The following PRTFDC1 variants were observed in gnomAD, a reference collection of about 807,000 sequenced individuals.
PRTFDC1 encodes phosphoribosyl transferase domain containing 1.
Under a neutral mutation model 34.6 loss-of-function variants are expected in PRTFDC1, and 38 were observed. The ratio of observed to expected loss-of-function variants is 1.10; its 90% CI spans 0.85 to 1.44. The LOEUF is 1.44. PRTFDC1 is among the 40% of genes most tolerant of loss of function. PRTFDC1 has a pLI of 0.00. For synonymous variants in PRTFDC1, 93 were observed against 98.1 expected, an observed-to-expected ratio of 0.95 and a Z score of 0.31; for missense variants, 270 against 283.0, an observed-to-expected ratio of 0.95 and a Z score of 0.33.
At chr10:24,921,579 T>A (rs1035337402) in intron 3 of PRTFDC1, among the ~76,000 whole-genome samples, 1 of 152,098 alleles carries the variant, frequency 6.6e-6, no homozygotes, top group African/African-American at 2.4e-5. Context: ...TGCCTAGTCA[T>A]TCCTCTCTGT....
intron 3 of PRTFDC1, among the ~76,000 whole-genome samples, chr10:24,920,549 G>C (rs1053258271): frequency 5.3e-5 from 8 of 150,292 alleles, no homozygotes; most frequent in Admixed American, 6.6e-5. Flanking sequence ...AAGATGCGGC[G>C]ACAGCATCAG....
chr10:24,900,828 G>A (rs1290994079), intron 3 of PRTFDC1, among the ~76,000 whole-genome samples: 5 of 152,070 alleles, frequency 3.3e-5, no homozygotes, highest in Non-Finnish European at 5.9e-5. Flanking sequence ...GACTTGGGCC[G>A]AACATTTTAT....
intron 3 of PRTFDC1, among the ~76,000 whole-genome samples, chr10:24,880,813 C>CTCTCTCTT (rs1555046617): frequency 4.3e-4 from 49 of 115,016 alleles, no homozygotes; most frequent in African/African-American, 1.4e-3. Flanking sequence ...TACTGTCTTT[C>CTCTCTCTT]TCTTTCTTTC....
intron 4 of PRTFDC1, among the ~76,000 whole-genome samples, chr10:24,865,094 T>G (rs2132502660): frequency 6.6e-6 from 1 of 152,162 alleles, no homozygotes; most frequent in Non-Finnish European, 1.5e-5. Flanking sequence ...CCAGCCTGGG[T>G]GACAGAGTGA....
chr10:24,875,766 T>A (rs763572594), intron 3 of PRTFDC1, among the ~76,000 whole-genome samples: 1 of 152,006 alleles, frequency 6.6e-6, no homozygotes, highest in Non-Finnish European at 1.5e-5. Flanking sequence ...TACTTCAACA[T>A]TAATTAATCT....
chr10:24,936,938 G>A (rs1588623147), intron 3 of PRTFDC1, among the ~76,000 whole-genome samples: 2 of 152,278 alleles, frequency 1.3e-5, no homozygotes, highest in South Asian at 2.1e-4. Context: ...ATAAAAGAAA[G>A]CACAAATCAT....
intron 3 of PRTFDC1, among the ~76,000 whole-genome samples, chr10:24,902,539 C>G (rs946472063): frequency 5.3e-5 from 8 of 152,204 alleles, no homozygotes; most frequent in Admixed American, 4.6e-4. Flanking sequence ...AGAACCAAGA[C>G]TAGAATCTCC....
chr10:24,931,044 A>G (rs1848964068), intron 3 of PRTFDC1, among the ~76,000 whole-genome samples: 1 of 152,190 alleles, frequency 6.6e-6, no homozygotes, highest in East Asian at 1.9e-4. Context: ...AAGAATTGGA[A>G]TCATACAAAA....
chr10:24,905,817 T>A (rs750306835), intron 3 of PRTFDC1, among the ~76,000 whole-genome samples: 5 of 152,206 alleles, frequency 3.3e-5, no homozygotes, highest in African/African-American at 4.8e-5. Context: ...TATTGATTAC[T>A]TATTTAATAA....
intron 3 of PRTFDC1, among the ~76,000 whole-genome samples, chr10:24,910,333 T>G (rs1476721202): frequency 1.3e-5 from 2 of 152,194 alleles, no homozygotes; most frequent in East Asian, 1.9e-4. Flanking sequence ...AACCTAAGAT[T>G]GAATTCTCGT....
chr10:24,915,815 G>A (rs1257655459), intron 3 of PRTFDC1, among the ~76,000 whole-genome samples: 8 of 152,134 alleles, frequency 5.3e-5, no homozygotes, highest in African/African-American at 1.9e-4. Context: ...GGAAGCTCCA[G>A]GTATCAGTCC....
At position 24,912,655 on chromosome 10, in the gene PRTFDC1, C is replaced by T. The variant is rs114070115; in HGVS notation, c.339+24529G>A. Among the ~76,000 whole-genome samples the T allele has an allele frequency of 3.2e-4, 49 of 152,156 alleles. 1 individual carries two copies. The South Asian group carries it at 9.6e-3, about 30-fold the overall frequency. On this transcript the variant is annotated intron_variant, in intron 3 of 8. Coordinates refer to ENST00000320152, the MANE Select transcript of PRTFDC1 (RefSeq NM_020200.7). ...GGATATAAGATCTTTATCAGACATACGTTTTGCAAATATTTTCTCCCAATC... is the reference window on the plus strand; with the variant it reads ...GGATATAAGATCTTTATCAGACATATGTTTTGCAAATATTTTCTCCCAATC...
intron 1 of PRTFDC1, among the ~76,000 whole-genome samples, chr10:24,944,497 A>C (rs572998482): frequency 1.3e-5 from 2 of 152,274 alleles, no homozygotes; most frequent in South Asian, 4.1e-4. Context: ...AAAAATGCAC[A>C]TCACAGCCAG....
rs964613653 is a variant in PRTFDC1, at chr10:24,926,218, G to A, written c.339+10966C>T. On this transcript the variant is annotated intron_variant, in intron 3 of 8. Transcript: ENST00000320152. ...GCTCTTACCTGTGAAACTTTATAAG[G>A]ATCTTGCAAGGGCTTAATAAGCTAA... Among the ~76,000 whole-genome samples the A allele has an allele frequency of 1.2e-4, 19 of 152,258 alleles. No individual in the cohort carries two copies. The East Asian group carries it at 1.9e-3, about 15-fold the overall frequency.
chr10:24,870,569 C>T (rs1261852510), intron 4 of PRTFDC1, among the ~76,000 whole-genome samples: 1 of 152,174 alleles, frequency 6.6e-6, no homozygotes, highest in Non-Finnish European at 1.5e-5. Flanking sequence ...TAGCTAAAGA[C>T]CACTCCAGGG....
intron 3 of PRTFDC1, among the ~76,000 whole-genome samples, chr10:24,911,095 C>T (rs921374451): frequency 3.9e-5 from 6 of 152,042 alleles, no homozygotes; most frequent in Middle Eastern, 3.2e-3. Flanking sequence ...TCAGCTCTTT[C>T]GAGGTATAAT....
intron 3 of PRTFDC1, among the ~76,000 whole-genome samples, chr10:24,878,411 A>G (rs1208769727): frequency 3.3e-5 from 5 of 152,222 alleles, no homozygotes; most frequent in African/African-American, 1.2e-4. Flanking sequence ...GAAGAAGCAC[A>G]TAGTGGGTCC....
intron 7 of PRTFDC1, among the ~76,000 whole-genome samples, chr10:24,853,976 A>G (rs1460033507): frequency 6.6e-6 from 1 of 152,164 alleles, no homozygotes; most frequent in Non-Finnish European, 1.5e-5. Flanking sequence ...TTGGCAAGCT[A>G]TTTAAGCTTG....
chr10:24,859,417 G>A (rs557116037), intron 4 of PRTFDC1, among the ~76,000 whole-genome samples: 55 of 152,194 alleles, frequency 3.6e-4, no homozygotes, highest in African/African-American at 1.3e-3. Flanking sequence ...GCACCACCAC[G>A]CCTGGCTAAT....
Sources: allele counts gnomAD v4.1 joint callset (sites outside exome capture counted in the v4.1 genomes callset), GRCh38; gene constraint gnomAD v4.1.1; transcripts MANE v1.5; gene names NCBI Gene and HGNC (gene_info 2026-07-23, HGNC 2026-07-21).